Variants in PCDH17 observed in about 807,000 individuals in gnomAD.
PCDH17 encodes protocadherin 17.
PCDH17 carries 21 observed loss-of-function variants against 67.7 expected under a neutral mutation model. The observed-to-expected ratio is 0.31, with a 90% CI of 0.22 to 0.45. The LOEUF (loss-of-function observed/expected upper bound fraction) is 0.45, where lower values mean the gene tolerates loss of function less well. PCDH17 is among the 20% of genes least tolerant of loss of function. PCDH17 has a pLI of 1.00. For synonymous variants in PCDH17, 701 were observed against 656.7 expected (o/e 1.07, Z -1.03); for missense variants, 1,471 against 1,564.8 (o/e 0.94, Z 1.01).
intron 3 of PCDH17, among the ~76,000 whole-genome samples, chr13:57,686,699 A>T (rs1955510952): frequency 6.6e-6 from 1 of 152,022 alleles, no homozygotes; most frequent in Non-Finnish European, 1.5e-5. Context: ...AGATTTGGAG[A>T]TATGAAAATA....
chr13:57,633,054 C>T lies in PCDH17; in HGVS notation c.508C>T (p.Leu170=), dbSNP rs35287822. The T allele has an allele frequency of 5.4e-4, 865 of 1,613,236 alleles. 4 individuals are homozygous for T. In the African/African-American group the frequency reaches 8.0e-3, roughly 15 times the overall value. Residue 170 remains leucine (L), a synonymous_variant, in exon 1 of 4, where the codon CTG becomes TTG. Transcript: ENST00000377918. This position sits in a 1 kb window ranked among gnomAD's most constrained non-coding sequence, Gnocchi z 6.2. ...CGGCGAGAATGGGCTCCGCACCTAC[C>T]TGCTCACGCGCGACGATCACGGCCT... is the stretch of plus-strand genomic sequence containing the variant. ...DAGENGLRTY[L]LTRDDHGLFG... is the part of the protein sequence containing the mutation.
intron 3 of PCDH17, among the ~76,000 whole-genome samples, chr13:57,715,532 A>G (rs1240536018): frequency 1.3e-5 from 2 of 151,878 alleles, no homozygotes; most frequent in Admixed American, 1.3e-4. Context: ...TGTAATATAT[A>G]ATTCAATGGG....
intron 3 of PCDH17, among the ~76,000 whole-genome samples, chr13:57,722,347 A>T (rs1955878162): frequency 1.3e-5 from 2 of 152,220 alleles, no homozygotes; most frequent in Non-Finnish European, 2.9e-5. Flanking sequence ...AAGACAGTGT[A>T]TGAGTTATAA....
intron 3 of PCDH17, among the ~76,000 whole-genome samples, chr13:57,709,987 C>T (rs879703888): frequency 1.3e-5 from 2 of 151,838 alleles, no homozygotes; most frequent in Non-Finnish European, 2.9e-5. Flanking sequence ...AGTCTTACAC[C>T]AGATTTTTAA....
At chr13:57,685,703 A>G (rs932822313) in intron 3 of PCDH17, among the ~76,000 whole-genome samples, 1 of 152,014 alleles carries the variant, frequency 6.6e-6, no homozygotes, top group African/African-American at 2.4e-5. Flanking sequence ...TCAATTTTAT[A>G]TAGAATAAAA....
intron 3 of PCDH17, among the ~76,000 whole-genome samples, chr13:57,678,012 A>C (rs1252224804): frequency 6.6e-6 from 1 of 151,726 alleles, no homozygotes; most frequent in East Asian, 2.0e-4. Context: ...ATGGTTAAAG[A>C]TGATATGTTG....
At chr13:57,713,524 C>T (rs545811718) in intron 3 of PCDH17, among the ~76,000 whole-genome samples, 1 of 151,666 alleles carries the variant, frequency 6.6e-6, no homozygotes, top group South Asian at 2.1e-4. Flanking sequence ...CCATAAGATT[C>T]ACAGTTTCAG....
intron 3 of PCDH17, among the ~76,000 whole-genome samples, chr13:57,701,575 A>T (rs1374034374): frequency 6.6e-6 from 1 of 152,056 alleles, no homozygotes; most frequent in Non-Finnish European, 1.5e-5. Flanking sequence ...AATATTTTTT[A>T]ATAGAGAAGT....
Position 57,632,501 on chromosome 13 carries a change from G to C in PCDH17, c.-46G>C, listed in dbSNP as rs1166732421. 1.3e-6 allele frequency: 2 copies of C among 1,570,750 alleles called. No homozygotes were observed. Among genetic ancestry groups the C allele is most frequent in the East Asian group, 2.3e-5 (1 of 42,874 alleles). ...CCAGGCTGGCGCGCACTCCCTCTCT[G>C]GCTCCTCCAGTCCGATTGCTCCTGC... is the stretch of plus-strand genomic sequence containing the variant. On this transcript the variant is annotated 5_prime_UTR_variant, in exon 1 of 4. Coordinates refer to ENST00000377918, the MANE Select transcript of PCDH17 (RefSeq NM_001040429.3).
chr13:57,644,718 A>C (rs1593896726), intron 1 of PCDH17, among the ~76,000 whole-genome samples: 1 of 151,696 alleles, frequency 6.6e-6, no homozygotes, highest in South Asian at 2.1e-4. Flanking sequence ...GTTAAAGGTT[A>C]TGTCAGTTTT....
intron 3 of PCDH17, among the ~76,000 whole-genome samples, chr13:57,714,603 G>C (rs978714291): frequency 4.6e-5 from 7 of 151,778 alleles, no homozygotes; most frequent in South Asian, 2.1e-4. Context: ...TATTATTTAA[G>C]TTGCTAGAAT....
At chr13:57,687,530 A>C (rs1271334979) in intron 3 of PCDH17, among the ~76,000 whole-genome samples, 1 of 152,036 alleles carries the variant, frequency 6.6e-6, no homozygotes, top group Non-Finnish European at 1.5e-5. Context: ...ATTCTTTAAT[A>C]ATGAAGCTAA....
Position 57,724,703 on chromosome 13 carries a change from G to A in PCDH17, c.2889G>A (p.Gln963=). ...TGCCACAGTTCCCTGCAGCCAATCA[G>A]GCTGAAAATGCAGATTACCGCACAA... is the stretch of plus-strand genomic sequence containing the variant. ...CWMPQFPAAN[Q]AENADYRTNL... Residue 963 remains glutamine, a synonymous_variant, in exon 4 of 4, where the codon CAG becomes CAA. Transcript: ENST00000377918. The A allele has an allele frequency of 6.2e-7, 1 of 1,614,052 alleles. No homozygotes were observed. Among genetic ancestry groups the A allele is most frequent in the Non-Finnish European group, 8.5e-7 (1 of 1,179,982 alleles).
intron 3 of PCDH17, among the ~76,000 whole-genome samples, chr13:57,721,041 T>C (rs1955868273): frequency 6.6e-6 from 1 of 152,094 alleles, no homozygotes; most frequent in East Asian, 1.9e-4. Context: ...ACTAATAGTT[T>C]ATAACTGTAA....
chr13:57,696,526 C>CAA (rs60466176), intron 3 of PCDH17, among the ~76,000 whole-genome samples: 1 of 150,340 alleles, frequency 6.7e-6, no homozygotes, highest in South Asian at 2.1e-4. Context: ...ATACTGTTCG[C>CAA]AAAAAAAATG....
intron 3 of PCDH17, among the ~76,000 whole-genome samples, chr13:57,693,700 A>G (rs1248488022): frequency 6.6e-6 from 1 of 150,964 alleles, no homozygotes; most frequent in African/African-American, 2.4e-5. Context: ...TTAAATTATT[A>G]CACAGCATTT....
chr13:57,693,865 A>G (rs955751075), intron 3 of PCDH17, among the ~76,000 whole-genome samples: 6 of 151,038 alleles, frequency 4.0e-5, no homozygotes, highest in Non-Finnish European at 5.9e-5. Context: ...TCATCTTTCT[A>G]TATAAGTTAT....
chr13:57,645,551 C>A (rs1362384029), intron 1 of PCDH17, among the ~76,000 whole-genome samples: 1 of 151,182 alleles, frequency 6.6e-6, no homozygotes, highest in African/African-American at 2.4e-5. Context: ...TTTATAGTTA[C>A]CACTTTTGTA....
chr13:57,705,418 A>T (rs1003490887), intron 3 of PCDH17, among the ~76,000 whole-genome samples: 1 of 152,130 alleles, frequency 6.6e-6, no homozygotes, highest in Non-Finnish European at 1.5e-5. Flanking sequence ...ATCCATTCAT[A>T]TTATCCATAT....
Sources: gnomAD v4.1 joint callset for allele counts (sites outside exome capture counted in the v4.1 genomes callset) on GRCh38, gnomAD v4.1.1 for gene constraint, Gnocchi (gnomAD v3.1) non-coding constraint, MANE v1.5 for transcripts, NCBI Gene and HGNC (gene_info 2026-07-23, HGNC 2026-07-21) for gene names.